Variants in SH2B1 observed in about 807,000 individuals in gnomAD.
The protein encoded by SH2B1 is SH2B adaptor protein 1.
Under a neutral mutation model 62.6 loss-of-function variants are expected in SH2B1, and 15 were observed. That is an observed-to-expected ratio of 0.24 (90% CI 0.16 to 0.37). The LOEUF (loss-of-function observed/expected upper bound fraction) is 0.37, where lower values mean the gene tolerates loss of function less well. SH2B1 is among the 10% of genes least tolerant of loss of function. SH2B1 has a pLI of 1.00. For missense variants in SH2B1, 925 were observed against 1,015.6 expected, an observed-to-expected ratio of 0.91 and a Z score of 1.21; for synonymous variants, 443 against 438.0, an observed-to-expected ratio of 1.01 and a Z score of -0.14.
chr16:28,857,591 C>A (rs1402186177), intron 1 of SH2B1, among the ~76,000 whole-genome samples: 1 of 152,104 alleles, frequency 6.6e-6, no homozygotes, highest in Non-Finnish European at 1.5e-5. Flanking sequence ...CAAAGCAGGG[C>A]CAGCCAATGA....
In SH2B1 at chr16:28,866,744, G is replaced by C. The variant is rs1315245940; in HGVS notation, c.650G>C (p.Gly217Ala). The C allele has an allele frequency of 6.3e-6, 10 of 1,579,408 alleles. No individual in the cohort carries two copies. The highest frequency in any genetic ancestry group is 8.6e-6 in the Non-Finnish European group (10 of 1,163,756). ...GTTGGTAGGGGACTGGTCAGTGATGGAACGTCCCCTGGGGAAAGATGGACT... is the reference window on the plus strand; with the variant it reads ...GTTGGTAGGGGACTGGTCAGTGATGCAACGTCCCCTGGGGAAAGATGGACT... ...GTVGRGLVSD[G>A]TSPGERWTHR... Residue 217 changes from glycine (G) to alanine (A), a missense_variant, in exon 1 of 8, where the codon GGA (glycine) becomes GCA (alanine). Gly to Ala is a moderately conservative substitution (Grantham distance 60, BLOSUM62 0). This residue lies in a region of SH2B1 where 683 missense variants were observed against 704.0 expected (regional missense o/e 0.97). Transcript: ENST00000684370. This position sits in a 1 kb window ranked among gnomAD's most constrained non-coding sequence, Gnocchi z 6.3.
intron 1 of SH2B1, among the ~76,000 whole-genome samples, chr16:28,852,353 T>TTAC (rs1962136637): frequency 5.5e-5 from 4 of 72,648 alleles, no homozygotes; most frequent in African/African-American, 1.3e-4. Context: ...CATATATATT[T>TTAC]ATATATATAT....
chr16:28,866,825 C>G lies in SH2B1; in HGVS notation c.731C>G (p.Ala244Gly), dbSNP rs774401745. The G allele has an allele frequency of 6.3e-7, 1 of 1,594,082 alleles. No individual in the cohort carries two copies. Among genetic ancestry groups the G allele is most frequent in the Non-Finnish European group, 8.5e-7 (1 of 1,170,734 alleles). The change falls in exon 1 of 8, where the codon GCA (alanine) becomes GGA (glycine). Residue 244 changes from alanine to glycine, a missense_variant. Ala to Gly is a moderately conservative substitution (Grantham distance 60). Transcript: ENST00000684370. This position sits in a 1 kb window ranked among gnomAD's most constrained non-coding sequence, Gnocchi z 6.3. ...GGAGGGGGCGCCTTGAAGGATGGAG[C>G]AGGGATGGTGCAGAGGGAAGAGCTG... ...SRGGGALKDG[A>G]GMVQREELLS...
rs933465237 is a variant in SH2B1, at chr16:28,866,310, C to T, written c.216C>T (p.Phe72=). 1.9e-6 allele frequency: 3 copies of T among 1,611,414 alleles called. No homozygotes were observed. The highest frequency in any genetic ancestry group is 1.7e-6 in the Non-Finnish European group (2 of 1,179,430). The part of the protein sequence containing the change: ...AAFSRRFAEL[F]LQHFEAEVAR... The stretch of plus-strand genomic sequence containing the variant: ...TCTCCCGCCGTTTTGCTGAGCTCTT[C>T]CTGCAGCACTTTGAAGCCGAGGTGG... Residue 72 remains phenylalanine, a synonymous_variant, in exon 1 of 8, where the codon TTC becomes TTT. Transcript: ENST00000684370. This position sits in a 1 kb window ranked among gnomAD's most constrained non-coding sequence, Gnocchi z 6.3.
intron 1 of SH2B1, among the ~76,000 whole-genome samples, chr16:28,849,292 C>T (rs576162902): frequency 2.0e-5 from 3 of 152,176 alleles, no homozygotes; most frequent in East Asian, 3.9e-4. Context: ...GATGGGGTTT[C>T]GCCATGTTGG....
In SH2B1 at chr16:28,864,948, CAGAT is replaced by C. The variant is rs1962604241; in HGVS notation, c.-1143_-1140del. ...GGGAGGGATCATTAGCTTTGTTTAA[CAGAT>C]AGAAAAACGGAGGCTCAGAGAGGAC... On this transcript the variant is annotated 5_prime_UTR_variant, in exon 1 of 8. Coordinates refer to ENST00000684370, the MANE Select transcript of SH2B1 (RefSeq NM_001387430.1). The C allele has an allele frequency of 3.0e-6, 1 of 335,994 alleles. No homozygotes were observed. The highest frequency in any genetic ancestry group is 4.2e-6 in the Non-Finnish European group (1 of 236,352). 20.8% of individuals were successfully genotyped at this position (335,994 alleles called of 1,614,324 possible).
In SH2B1 at chr16:28,873,550, GGCAGCAGCAGCC is replaced by G; in HGVS notation, c.2010_2021del (p.Ala671_Ala674del). The G allele has an allele frequency of 6.2e-7, 1 of 1,602,482 alleles. No homozygotes were observed. On this transcript the variant is annotated inframe_deletion, in exon 8 of 8. Coordinates refer to ENST00000684370, the MANE Select transcript of SH2B1 (RefSeq NM_001387430.1). This position sits in a 1 kb window ranked among gnomAD's most constrained non-coding sequence, Gnocchi z 4.2. Reference sequence around the variant, plus strand: ...AGGCGTCGAGGGCGCCAGAAGTGGCGGCAGCAGCAGCCGCAGCAGCCAAAGAGAGGCAAGAGA... The same window carrying G: ...AGGCGTCGAGGGCGCCAGAAGTGGCGGCAGCAGCCAAAGAGAGGCAAGAGA...
In SH2B1 at chr16:28,869,268, C is replaced by G; in HGVS notation, c.1194C>G (p.Phe398Leu). 1.2e-6 allele frequency: 2 copies of G among 1,614,190 alleles called. No homozygotes were observed. The highest frequency in any genetic ancestry group is 1.6e-4 in the Middle Eastern group (1 of 6,062). The change falls in exon 4 of 8, where the codon TTC becomes TTG. Residue 398 changes from phenylalanine to leucine, a missense_variant. Coordinates refer to ENST00000684370, the MANE Select transcript of SH2B1 (RefSeq NM_001387430.1). The part of the protein sequence containing the change: ...MTLPLAPGTS[F>L]LTRENTDSLE... ...TCCCTCTGGCCCCTGGGACCTCATT[C>G]CTTACAAGGGAGAACACAGACAGCC...
intron 1 of SH2B1, among the ~76,000 whole-genome samples, chr16:28,852,962 C>CATATATATATTTTT (rs746298122): frequency 2.5e-5 from 1 of 40,522 alleles, no homozygotes; most frequent in African/African-American, 8.7e-5. Flanking sequence ...TATATATGTA[C>CATATATATATTTTT]ATATATATGT....
intron 2 of SH2B1, 106 bp from the exon 3 acceptor site, chr16:28,868,900 G>C: frequency 1.1e-6 from 1 of 875,680 alleles, no homozygotes; most frequent in Non-Finnish European, 1.9e-6. Context: ...GAGAGAATTC[G>C]AATGCATCTT....
chr16:28,864,846 G>C lies in SH2B1; in HGVS notation c.-1249G>C. On this transcript the variant is annotated 5_prime_UTR_variant, in exon 1 of 8. Coordinates refer to ENST00000684370, the MANE Select transcript of SH2B1 (RefSeq NM_001387430.1). Reference sequence around the variant, plus strand: ...CTCCCACATGAAGATAGTAACAATGGCAGTCGTTCAGCGGATGCTTACTTT... The same window carrying C: ...CTCCCACATGAAGATAGTAACAATGCCAGTCGTTCAGCGGATGCTTACTTT... 1 of 245,620 alleles carries C rather than the reference G, an allele frequency of 4.1e-6. No homozygotes were observed. Among genetic ancestry groups the C allele is most frequent in the Non-Finnish European group, 6.5e-6 (1 of 153,664 alleles). 15.2% of individuals were successfully genotyped at this position (245,620 alleles called of 1,614,324 possible).
intron 1 of SH2B1, among the ~76,000 whole-genome samples, chr16:28,848,655 A>G (rs1034015470): frequency 6.9e-6 from 1 of 145,254 alleles, no homozygotes; most frequent in Non-Finnish European, 1.5e-5. Flanking sequence ...AAAAGTGTGC[A>G]CACCGCACTG....
Position 28,873,021 on chromosome 16 carries a change from C to A in SH2B1, c.1897+316C>A. ...CCCATCCTGGCCTCGTCTTTGCCCTCCGTCGCAGCCTGGCCTTGGGCCTGC... is the reference window on the plus strand; with the variant it reads ...CCCATCCTGGCCTCGTCTTTGCCCTACGTCGCAGCCTGGCCTTGGGCCTGC... On this transcript the variant is annotated intron_variant, in intron 7 of 7. Transcript: ENST00000684370. This position sits in a 1 kb window ranked among gnomAD's most constrained non-coding sequence, Gnocchi z 4.2. 1 of 655,418 alleles carries A rather than the reference C, an allele frequency of 1.5e-6. No homozygotes were observed. Among genetic ancestry groups the A allele is most frequent in the Non-Finnish European group, 2.6e-6 (1 of 385,124 alleles). The allele number at this position is 655,418 out of a possible 1,614,324, so 40.6% of individuals were successfully genotyped here. A position where few individuals can be genotyped will look rare whatever the true frequency, so the allele number is the denominator to read the frequency against.
chr16:28,860,741 A>G (rs1299972303), upstream of SH2B1, among the ~76,000 whole-genome samples: 1 of 152,094 alleles, frequency 6.6e-6, no homozygotes, highest in Non-Finnish European at 1.5e-5. Context: ...CGACACACAC[A>G]CATCTTATAC....
upstream of SH2B1, among the ~76,000 whole-genome samples, chr16:28,859,975 G>A (rs945811792): frequency 4.0e-5 from 6 of 150,392 alleles, no homozygotes; most frequent in African/African-American, 1.5e-4. Flanking sequence ...TGAGGAAGAA[G>A]GGTTTCTCCC....
chr16:28,873,247 C>T lies in SH2B1; in HGVS notation c.1898-200C>T. On this transcript the variant is annotated intron_variant, in intron 7 of 7. Coordinates refer to ENST00000684370, the MANE Select transcript of SH2B1 (RefSeq NM_001387430.1). This position sits in a 1 kb window ranked among gnomAD's most constrained non-coding sequence, Gnocchi z 4.2. ...CCCCGATGCCTCCTGCACCCTCATG[C>T]CCTTCGGAGCGAGTGACTGTGTGTA... is the stretch of plus-strand genomic sequence containing the variant. The T allele has an allele frequency of 6.2e-7, 1 of 1,607,476 alleles. No homozygotes were observed. The highest frequency in any genetic ancestry group is 8.5e-7 in the Non-Finnish European group (1 of 1,178,486).
chr16:28,860,911 G>A (rs1962428690), upstream of SH2B1, among the ~76,000 whole-genome samples: 1 of 151,414 alleles, frequency 6.6e-6, no homozygotes, highest in Admixed American at 6.6e-5. Context: ...CCACCTCCCA[G>A]GTTCAAGCGA....
At chr16:28,852,370 ATATT>A (rs1222508214) in intron 1 of SH2B1, among the ~76,000 whole-genome samples, 1 of 86,598 alleles carries the variant, frequency 1.2e-5, no homozygotes, top group African/African-American at 5.4e-5. Context: ...ATATTTATAT[ATATT>A]TACATATATT....
chr16:28,858,440 G>T (rs1238748146), intron 1 of SH2B1, among the ~76,000 whole-genome samples: 1 of 152,164 alleles, frequency 6.6e-6, no homozygotes, highest in Non-Finnish European at 1.5e-5. Context: ...GTGAACCCGG[G>T]AGGAGGTGGA....
Sources: allele counts gnomAD v4.1 joint callset (sites outside exome capture counted in the v4.1 genomes callset), GRCh38; gene constraint gnomAD v4.1.1; regional missense constraint gnomAD v4.1.1; non-coding constraint Gnocchi (gnomAD v3.1); transcripts MANE v1.5; gene names NCBI Gene and HGNC (gene_info 2026-07-23, HGNC 2026-07-21).